The following SLC25A24 variants were observed in gnomAD, a reference collection of about 807,000 sequenced individuals.
SLC25A24 encodes the protein solute carrier family 25 member 24.
A neutral mutation model predicts 60.7 loss-of-function variants in SLC25A24; 49 were observed. The observed-to-expected ratio is 0.81, with a 90% CI of 0.64 to 1.02. SLC25A24 has a LOEUF of 1.02. SLC25A24 is among the 50% of genes least tolerant of loss of function. The pLI is 0.00. For synonymous variants in SLC25A24, 202 were observed against 200.6 expected (o/e 1.01, Z -0.06); for missense variants, 564 against 586.3 (o/e 0.96, Z 0.39).
intron 1 of SLC25A24, among the ~76,000 whole-genome samples, chr1:108,195,307 G>C (rs1648460795): frequency 6.6e-6 from 1 of 152,216 alleles, no homozygotes; most frequent in South Asian, 2.1e-4. Context: ...ATCTCAGGCA[G>C]AGAGAAGAAA....
Position 108,157,611 on chromosome 1 carries a change from T to A in SLC25A24, c.520A>T (p.Ile174Leu). ...RFWKHSTGID[I>L]GDSLTIPDEF... ...TCTGGAATAGTTAAGCTATCCCCTATGTCAATTCCCTGTAAAAATGAAAAA... is the reference window on the plus strand; with the variant it reads ...TCTGGAATAGTTAAGCTATCCCCTAAGTCAATTCCCTGTAAAAATGAAAAA... Residue 174 changes from isoleucine (I) to leucine (L), a missense_variant, in exon 5 of 10, where the codon ATA becomes TTA. Physicochemically the swap from Ile to Leu is conservative, Grantham distance 5. Coordinates refer to ENST00000565488, the MANE Select transcript of SLC25A24 (RefSeq NM_013386.5). 1 of 1,612,732 alleles carries A rather than the reference T, an allele frequency of 6.2e-7. No homozygotes were observed. The highest frequency in any genetic ancestry group is 8.5e-7 in the Non-Finnish European group (1 of 1,178,980).
At chr1:108,192,666 C>A (rs775013668) in intron 1 of SLC25A24, 1 of 1,478,286 alleles carries the variant, frequency 6.8e-7, no homozygotes, top group South Asian at 1.3e-5. Context: ...TGAGCCCCAG[C>A]GGGGTGGAAG....
At chr1:108,151,747 C>T (rs6693028) in intron 6 of SLC25A24, among the ~76,000 whole-genome samples, 76,659 of 152,068 alleles carry the variant, frequency 0.5, 19,868 homozygotes, top group African/African-American at 0.62. Context: ...AGCTGATATA[C>T]CCAATTGCTT....
At chr1:108,172,183 A>C (rs564703811) in intron 3 of SLC25A24, among the ~76,000 whole-genome samples, 1 of 152,298 alleles carries the variant, frequency 6.6e-6, no homozygotes, top group East Asian at 1.9e-4. Flanking sequence ...TTTCAGAGGG[A>C]ATGCCTGCTT....
At chr1:108,184,352 G>A (rs1285751552) in intron 2 of SLC25A24, among the ~76,000 whole-genome samples, 1 of 152,152 alleles carries the variant, frequency 6.6e-6, no homozygotes, top group Non-Finnish European at 1.5e-5. Flanking sequence ...ATGTTGGAAT[G>A]AAAGTTTGCA....
intron 4 of SLC25A24, 105 bp downstream of exon 4, chr1:108,161,077 G>A (rs1261188462): frequency 8.0e-6 from 5 of 627,818 alleles, no homozygotes; most frequent in Non-Finnish European, 1.4e-5. Context: ...GGAGCTACTG[G>A]GACTCAGGTA....
intron 3 of SLC25A24, among the ~76,000 whole-genome samples, chr1:108,174,484 C>A (rs1365627369): frequency 6.6e-6 from 1 of 152,138 alleles, no homozygotes; most frequent in Non-Finnish European, 1.5e-5. Context: ...AGGGGTGGAG[C>A]CCTTGAGGAG....
intron 8 of SLC25A24, among the ~76,000 whole-genome samples, chr1:108,142,879 TA>T (rs199958759): frequency 6.0e-5 from 9 of 150,458 alleles, no homozygotes; most frequent in African/African-American, 1.7e-4. Context: ...TAAAGCTCTT[TA>T]AAAAAAAAAT....
chr1:108,148,915 A>C lies in SLC25A24; in HGVS notation c.823-529T>G, dbSNP rs375897309. ...TACATAGCAGAAGAGCAAGGCCTAAATGCTAATACACGCAGTGACTGGACA... is the reference window on the plus strand; with the variant it reads ...TACATAGCAGAAGAGCAAGGCCTAACTGCTAATACACGCAGTGACTGGACA... On this transcript the variant is annotated intron_variant, in intron 6 of 9. Transcript: ENST00000565488. 1.3e-4 allele frequency among the ~76,000 whole-genome samples: 20 copies of C among 152,350 alleles called. No individual in the cohort carries two copies. In the East Asian group the frequency reaches 1.3e-3, roughly 10 times the overall value.
intron 9 of SLC25A24, 81 bp from the exon 10 acceptor site, chr1:108,136,918 A>G: frequency 3.2e-6 from 4 of 1,255,192 alleles, no homozygotes; most frequent in Non-Finnish European, 4.5e-6. Context: ...ACCCAGAATG[A>G]TATTCTAAAA....
Position 108,139,040 on chromosome 1 carries a change from C to A in SLC25A24, c.1249+18G>T. 1 of 1,558,594 alleles carries A rather than the reference C, an allele frequency of 6.4e-7. No individual in the cohort carries two copies. ...GTGCAGCACTTTTATCGGTGTGGTT[C>A]TGTAATCAAAAATTCACCTTGAGCC... On this transcript the variant is annotated intron_variant, in intron 9 of 9. Transcript: ENST00000565488.
chr1:108,147,778 T>C (rs1352250448), intron 7 of SLC25A24, among the ~76,000 whole-genome samples: 1 of 152,078 alleles, frequency 6.6e-6, no homozygotes, highest in Non-Finnish European at 1.5e-5. Context: ...CCAGTGATAT[T>C]TGTCTCCGGT....
At chr1:108,143,176 T>C (rs1470925229) in intron 8 of SLC25A24, among the ~76,000 whole-genome samples, 3 of 152,244 alleles carry the variant, frequency 2.0e-5, no homozygotes, top group Non-Finnish European at 1.5e-5. Flanking sequence ...ATCCAAGATT[T>C]GTATTCTTCC....
At chr1:108,160,840 C>T (rs1367705982) in intron 4 of SLC25A24, among the ~76,000 whole-genome samples, 1 of 152,158 alleles carries the variant, frequency 6.6e-6, no homozygotes, top group African/African-American at 2.4e-5. Flanking sequence ...ATCGCAGGCA[C>T]TCGGCAGGCT....
chr1:108,151,570 C>T (rs1334609066), intron 6 of SLC25A24, among the ~76,000 whole-genome samples: 2 of 152,190 alleles, frequency 1.3e-5, no homozygotes, highest in East Asian at 1.9e-4. Context: ...TCCCATCCCT[C>T]GAGCTATTTC....
Position 108,156,426 on chromosome 1 carries a change from T to C in SLC25A24, c.669+1036A>G, listed in dbSNP as rs115259444. Among the ~76,000 whole-genome samples the C allele has an allele frequency of 9.2e-3, 1,400 of 152,310 alleles. 19 individuals carry two copies. Among genetic ancestry groups the C allele is most frequent in the African/African-American group, 0.032 (1,326 of 41,564 alleles). Reference sequence around the variant, plus strand: ...AAAATAAATGCTTATTCAAGTTCTCTAAAAGTCAAGTTACTACTGTTCCTA... The same window carrying C: ...AAAATAAATGCTTATTCAAGTTCTCCAAAAGTCAAGTTACTACTGTTCCTA... On this transcript the variant is annotated intron_variant, in intron 5 of 9. Coordinates refer to ENST00000565488, the MANE Select transcript of SLC25A24 (RefSeq NM_013386.5).
chr1:108,159,171 G>C (rs1679985600), intron 4 of SLC25A24, among the ~76,000 whole-genome samples: 1 of 152,156 alleles, frequency 6.6e-6, no homozygotes, highest in African/African-American at 2.4e-5. Context: ...AAAACAAACT[G>C]GTATGAAATG....
intron 4 of SLC25A24, 32 bp from the exon 5 acceptor site, chr1:108,157,652 C>T: frequency 6.3e-7 from 1 of 1,595,764 alleles, no homozygotes; most frequent in African/African-American, 1.3e-5. Flanking sequence ...CCCCATGCGC[C>T]TTAGTTAAAA....
At chr1:108,151,218 C>T (rs1226080334) in intron 6 of SLC25A24, among the ~76,000 whole-genome samples, 2 of 151,916 alleles carry the variant, frequency 1.3e-5, no homozygotes, top group Middle Eastern at 3.4e-3. Context: ...AACAAACATA[C>T]AAACAGAAAA....
Sources: gnomAD v4.1 joint callset for allele counts (sites outside exome capture counted in the v4.1 genomes callset) on GRCh38, gnomAD v4.1.1 for gene constraint, MANE v1.5 for transcripts, NCBI Gene and HGNC (gene_info 2026-07-23, HGNC 2026-07-21) for gene names.